SRGAP3: variants seen among roughly 807,000 people sequenced by gnomAD.
SRGAP3 encodes the protein SLIT-ROBO Rho GTPase-activating protein 3.
Under a neutral mutation model 121.1 loss-of-function variants are expected in SRGAP3, and 39 were observed. The observed-to-expected ratio is 0.32, with a 90% CI of 0.25 to 0.42. The LOEUF (loss-of-function observed/expected upper bound fraction) is 0.42, where lower values mean the gene tolerates loss of function less well. Among genes scored for constraint, SRGAP3 ranks in the 10% least tolerant of loss-of-function variants. The probability of loss-of-function intolerance (pLI) is 1.00; values close to 1 mark genes in which losing one functional copy is unlikely to be tolerated. For missense variants in SRGAP3, 1,213 were observed against 1,470.6 expected, an observed-to-expected ratio of 0.82 and a Z score of 2.86; for synonymous variants, 601 against 570.0, an observed-to-expected ratio of 1.05 and a Z score of -0.77.
rs146918712 is a variant in SRGAP3 at position 9,158,319 on chromosome 3, G to A, written c.68-33402C>T. On this transcript the variant is annotated intron_variant, in intron 1 of 21. Coordinates refer to ENST00000383836, the MANE Select transcript of SRGAP3 (RefSeq NM_014850.4). ...TCTTATTAGCCAGGTTCTCCTTGAG[G>A]TTTTGCTCAAACGCCAGAGAAGGGC... 3.6e-3 allele frequency among the ~76,000 whole-genome samples: 549 copies of A among 152,270 alleles called. 5 individuals carry two copies. The highest frequency in any genetic ancestry group is 0.013 in the African/African-American group (524 of 41,558).
chr3:9,328,097 A>G (rs184147574), intron 2 of SRGAP3, among the ~76,000 whole-genome samples: 22 of 152,366 alleles, frequency 1.4e-4, no homozygotes, highest in Non-Finnish European at 4.4e-5. Context: ...TAATTTAGAT[A>G]AAATGTCTTT....
intron 1 of SRGAP3, among the ~76,000 whole-genome samples, chr3:9,213,285 T>A (rs955474465): frequency 6.6e-6 from 1 of 151,960 alleles, no homozygotes; most frequent in Non-Finnish European, 1.5e-5. Context: ...TAAATGCTTG[T>A]TGATTCATCA....
At chr3:9,058,145 G>C (rs1273037083) in intron 7 of SRGAP3, 106 bp downstream of exon 7, 1 of 1,232,558 alleles carries the variant, frequency 8.1e-7, no homozygotes, top group Admixed American at 1.7e-5. Context: ...TTGACCCCAG[G>C]CGTCGGATAG....
intron 1 of SRGAP3, among the ~76,000 whole-genome samples, chr3:9,362,239 C>T (rs532367450): frequency 1.1e-4 from 4 of 37,328 alleles, no homozygotes; most frequent in Non-Finnish European, 1.4e-4. Flanking sequence ...AATCTTGGCT[C>T]TCTGCAACCT....
chr3:9,146,286 TGTA>T (rs1950020535), intron 1 of SRGAP3, among the ~76,000 whole-genome samples: 1 of 152,198 alleles, frequency 6.6e-6, no homozygotes, highest in Admixed American at 6.5e-5. Flanking sequence ...CAAAGGTTCT[TGTA>T]GTAGAGTTCA....
At chr3:9,354,694 A>G (rs985275093) in intron 1 of SRGAP3, among the ~76,000 whole-genome samples, 2 of 151,822 alleles carry the variant, frequency 1.3e-5, no homozygotes, top group African/African-American at 4.8e-5. Flanking sequence ...AAAAAAAAAA[A>G]AAAAAAAGAA....
chr3:9,306,123 C>T (rs563411135), intron 3 of SRGAP3, among the ~76,000 whole-genome samples: 21 of 152,310 alleles, frequency 1.4e-4, no homozygotes, highest in African/African-American at 5.1e-4. Flanking sequence ...CGTGAGATGG[C>T]ATCTCATTGT....
intron 1 of SRGAP3, chr3:9,349,197 C>T (rs2029927255): frequency 1.4e-6 from 1 of 694,260 alleles, no homozygotes; most frequent in Admixed American, 1.8e-5. Flanking sequence ...AAGTAAAGGC[C>T]AGCGGGCAGG....
intron 3 of SRGAP3, among the ~76,000 whole-genome samples, chr3:9,324,701 C>T (rs1031061933): frequency 3.3e-5 from 5 of 151,760 alleles, no homozygotes; most frequent in Non-Finnish European, 5.9e-5. Context: ...TCACGCCTGT[C>T]ATCTCCAGCA....
At chr3:9,029,103 A>T (rs1459044555) in intron 12 of SRGAP3, among the ~76,000 whole-genome samples, 2 of 152,172 alleles carry the variant, frequency 1.3e-5, no homozygotes, top group African/African-American at 4.8e-5. Flanking sequence ...ATGCTGACTA[A>T]ATCTACCAGA....
At chr3:9,090,367 G>A (rs1321944520) in intron 3 of SRGAP3, among the ~76,000 whole-genome samples, 1 of 151,000 alleles carries the variant, frequency 6.6e-6, no homozygotes, top group Non-Finnish European at 1.5e-5. Context: ...AACTAGAGAG[G>A]AGTAAAGGAT....
At chr3:9,341,347 A>G (rs1228541283) in intron 1 of SRGAP3, among the ~76,000 whole-genome samples, 1 of 152,150 alleles carries the variant, frequency 6.6e-6, no homozygotes, top group East Asian at 1.9e-4. Flanking sequence ...TACCCTCCAC[A>G]CTCAAGTGCT....
intron 4 of SRGAP3, among the ~76,000 whole-genome samples, chr3:9,071,281 AT>A (rs1358520977): frequency 6.6e-6 from 1 of 151,944 alleles, no homozygotes; most frequent in Non-Finnish European, 1.5e-5. Context: ...CCCTAATTTT[AT>A]TTTGAGGAAA....
intron 1 of SRGAP3, among the ~76,000 whole-genome samples, chr3:9,139,184 T>C (rs191355289): frequency 1.3e-5 from 2 of 152,278 alleles, no homozygotes; most frequent in African/African-American, 4.8e-5. Context: ...ACCAAGTTGG[T>C]TCCTCACAAA....
intron 2 of SRGAP3, among the ~76,000 whole-genome samples, chr3:9,115,541 G>C (rs1454468867): frequency 3.3e-5 from 5 of 152,164 alleles, no homozygotes; most frequent in African/African-American, 1.2e-4. Context: ...ACCTGGGAAA[G>C]AGCCAGATGG....
intron 3 of SRGAP3, among the ~76,000 whole-genome samples, chr3:9,094,577 T>C (rs983905308): frequency 6.6e-6 from 1 of 152,176 alleles, no homozygotes; most frequent in African/African-American, 2.4e-5. Flanking sequence ...GCTGGACTTA[T>C]TTACATGTTT....
chr3:9,165,827 C>T (rs1255039432), intron 1 of SRGAP3, among the ~76,000 whole-genome samples: 2 of 152,164 alleles, frequency 1.3e-5, no homozygotes, highest in Non-Finnish European at 2.9e-5. Flanking sequence ...TTTGTCCTTC[C>T]TTGAACCCTC....
At chr3:9,075,030 A>G (rs1575031428) in intron 4 of SRGAP3, among the ~76,000 whole-genome samples, 1 of 152,378 alleles carries the variant, frequency 6.6e-6, no homozygotes, top group Non-Finnish European at 1.5e-5. Context: ...ACTGACACAC[A>G]TGCATTTCAT....
intron 1 of SRGAP3, among the ~76,000 whole-genome samples, chr3:9,130,806 A>G (rs919562592): frequency 2.6e-5 from 4 of 152,264 alleles, no homozygotes; most frequent in African/African-American, 9.6e-5. Flanking sequence ...AGCCTTCCTC[A>G]TTACAGAGCA....
Sources: allele counts gnomAD v4.1 joint callset (sites outside exome capture counted in the v4.1 genomes callset), GRCh38; gene constraint gnomAD v4.1.1; transcripts MANE v1.5; gene names NCBI Gene and HGNC (gene_info 2026-07-23, HGNC 2026-07-21).